The following NCK1 variants were observed in gnomAD, a reference collection of about 807,000 sequenced individuals.
NCK1 encodes the protein NCK adaptor protein 1, also known as SH2/SH3 adapter protein NCK1.
A neutral mutation model predicts 36.6 loss-of-function variants in NCK1; 19 were observed. The observed-to-expected ratio is 0.52, with a 90% CI of 0.36 to 0.76. The LOEUF (loss-of-function observed/expected upper bound fraction) is 0.76. Among genes scored for constraint, NCK1 ranks in the 30% least tolerant of loss-of-function variants. The pLI, the probability that NCK1 is intolerant of heterozygous loss-of-function variation, is 0.00. For synonymous variants in NCK1, 165 were observed against 156.0 expected (o/e 1.06, Z -0.43); for missense variants, 358 against 445.6 (o/e 0.80, Z 1.77).
At chr3:136,945,383 A>C (rs1940784419) in intron 2 of NCK1, among the ~76,000 whole-genome samples, 200 bp from the exon 3 acceptor site, 1 of 152,178 alleles carries the variant, frequency 6.6e-6, no homozygotes, top group Non-Finnish European at 1.5e-5. Flanking sequence ...TAACAAATTA[A>C]ATATTTATTT....
At chr3:136,868,025 C>A (rs949456872) in intron 1 of NCK1, among the ~76,000 whole-genome samples, 1 of 151,966 alleles carries the variant, frequency 6.6e-6, no homozygotes, top group East Asian at 1.9e-4. Flanking sequence ...TCAAGCAATT[C>A]TCTTGCCTCA....
intron 2 of NCK1, among the ~76,000 whole-genome samples, chr3:136,945,337 C>T (rs922827490): frequency 4.6e-5 from 7 of 151,536 alleles, no homozygotes; most frequent in Non-Finnish European, 7.4e-5. Context: ...ATTTCAGGGC[C>T]TTTGACAAGA....
intron 1 of NCK1, among the ~76,000 whole-genome samples, chr3:136,897,242 C>G (rs993715129): frequency 7.9e-5 from 12 of 152,100 alleles, no homozygotes; most frequent in African/African-American, 2.4e-4. Flanking sequence ...GTATGTGCCA[C>G]CATGCTCGGC....
intron 1 of NCK1, among the ~76,000 whole-genome samples, chr3:136,890,794 C>T (rs1306391246): frequency 6.6e-6 from 1 of 152,198 alleles, no homozygotes; most frequent in Admixed American, 6.5e-5. Flanking sequence ...TAAGTATATT[C>T]ACATTGTTAT....
At chr3:136,907,594 T>G (rs964177797) in intron 1 of NCK1, among the ~76,000 whole-genome samples, 1 of 152,164 alleles carries the variant, frequency 6.6e-6, no homozygotes, top group Admixed American at 6.5e-5. Flanking sequence ...CTGTCTTGCC[T>G]CCTCCTCCTT....
chr3:136,906,056 C>T (rs916312343), intron 1 of NCK1, among the ~76,000 whole-genome samples: 4 of 152,134 alleles, frequency 2.6e-5, no homozygotes, highest in Non-Finnish European at 1.5e-5. Context: ...GTTGCTCCTT[C>T]TAATTTTTTG....
intron 1 of NCK1, among the ~76,000 whole-genome samples, chr3:136,878,856 A>C (rs919803739): frequency 1.3e-5 from 2 of 152,260 alleles, no homozygotes; most frequent in Admixed American, 6.5e-5. Flanking sequence ...CAAGCGTTCT[A>C]CAGAAAACAC....
rs180748591 is a variant in NCK1 at position 136,896,862 on chromosome 3, A to G, written c.-18-31122A>G. On this transcript the variant is annotated intron_variant, in intron 1 of 3. Coordinates refer to ENST00000481752, the MANE Select transcript of NCK1 (RefSeq NM_001291999.2). ...TATTTGCTATTGTGAATAGTGCTAC[A>G]GTAAACATGCAAGTGCAGGTATCCC... Among the ~76,000 whole-genome samples the G allele has an allele frequency of 2.6e-5, 4 of 152,020 alleles. No homozygotes were observed. In the East Asian group the frequency reaches 7.7e-4, roughly 29 times the overall value.
At chr3:136,862,802 G>A (rs1389590136) in intron 1 of NCK1, among the ~76,000 whole-genome samples, 1 of 152,224 alleles carries the variant, frequency 6.6e-6, no homozygotes, top group Admixed American at 6.5e-5. Flanking sequence ...CCGAGAGGAG[G>A]GGAGGCGTCA....
chr3:136,915,555 C>T (rs778458420), intron 1 of NCK1, among the ~76,000 whole-genome samples: 5 of 152,110 alleles, frequency 3.3e-5, no homozygotes, highest in Non-Finnish European at 7.4e-5. Context: ...GCATGATAAA[C>T]TTTAATAGGG....
chr3:136,885,434 A>G (rs956127542), intron 1 of NCK1, among the ~76,000 whole-genome samples: 9 of 152,118 alleles, frequency 5.9e-5, no homozygotes, highest in African/African-American at 2.2e-4. Context: ...CTCCTTACGT[A>G]GCTGGAACTA....
intron 1 of NCK1, among the ~76,000 whole-genome samples, chr3:136,901,897 T>G (rs926676909): frequency 5.3e-5 from 8 of 152,128 alleles, no homozygotes; most frequent in Non-Finnish European, 1.2e-4. Flanking sequence ...ATTTCTTTCC[T>G]TCTACTAATT....
intron 1 of NCK1, among the ~76,000 whole-genome samples, chr3:136,905,783 C>A (rs1939668773): frequency 6.6e-6 from 1 of 151,696 alleles, no homozygotes; most frequent in Non-Finnish European, 1.5e-5. Context: ...TGCCACCACA[C>A]CTGGTTAATT....
intron 1 of NCK1, among the ~76,000 whole-genome samples, chr3:136,864,163 G>A (rs190936876): frequency 6.6e-6 from 1 of 152,038 alleles, no homozygotes; most frequent in East Asian, 1.9e-4. Context: ...GGTTTCTGCA[G>A]TGCTTTCAGG....
intron 1 of NCK1, among the ~76,000 whole-genome samples, chr3:136,913,156 A>G (rs779672104): frequency 7.9e-5 from 12 of 151,662 alleles, no homozygotes; most frequent in Non-Finnish European, 1.0e-4. Context: ...CATATAGGCC[A>G]TACTTTCCCA....
chr3:136,888,178 C>G (rs560970464), intron 1 of NCK1, among the ~76,000 whole-genome samples: 13 of 152,056 alleles, frequency 8.5e-5, no homozygotes, highest in Admixed American at 7.9e-4. Flanking sequence ...CTCCTGACCT[C>G]GTGATCTGCC....
At chr3:136,917,448 T>G (rs1031087709) in intron 1 of NCK1, among the ~76,000 whole-genome samples, 3 of 152,236 alleles carry the variant, frequency 2.0e-5, no homozygotes, top group Non-Finnish European at 2.9e-5. Context: ...ATCTTTAAAG[T>G]TGTTTTAACC....
At chr3:136,863,859 TG>T (rs1328859491) in intron 1 of NCK1, among the ~76,000 whole-genome samples, 1 of 151,886 alleles carries the variant, frequency 6.6e-6, no homozygotes, top group Non-Finnish European at 1.5e-5. Flanking sequence ...CCCAGCACTT[TG>T]GGAGGCTGAG....
In NCK1 at chr3:136,946,101, G is replaced by A. The variant is rs774572688; in HGVS notation, c.745G>A (p.Val249Ile). 11 of 1,613,742 alleles carry A rather than the reference G, an allele frequency of 6.8e-6. No individual in the cohort carries two copies. The highest frequency in any genetic ancestry group is 2.2e-5 in the South Asian group (2 of 91,068). ...VGLVPKNYVT[V>I]MQNNPLTSGL... is the part of the protein sequence containing the mutation. ...TCTAGTACCAAAAAACTATGTTACC[G>A]TTATGCAGAATAATCCATTAACTTC... is the stretch of plus-strand genomic sequence containing the variant. The change falls in exon 3 of 4, where the codon GTT becomes ATT. Residue 249 changes from valine to isoleucine, a missense_variant. Physicochemically the swap from Val to Ile is conservative, Grantham distance 29. Transcript: ENST00000481752.
Sources: gnomAD v4.1 joint callset for allele counts (sites outside exome capture counted in the v4.1 genomes callset) on GRCh38, gnomAD v4.1.1 for gene constraint, MANE v1.5 for transcripts, NCBI Gene and HGNC (gene_info 2026-07-23, HGNC 2026-07-21) for gene names.